Variants in SV2C observed in about 807,000 individuals in gnomAD.
The protein encoded by SV2C is solute carrier family 22 member B3.
In SV2C, 49 loss-of-function variants were observed where a neutral mutation model predicts 79.7. The observed-to-expected ratio is 0.61, with a 90% CI of 0.49 to 0.78. The LOEUF (loss-of-function observed/expected upper bound fraction) is 0.78. Ranked by LOEUF, SV2C falls within the 30% of genes least tolerant of loss-of-function variation. The pLI is 0.00. For missense variants in SV2C, 833 were observed against 912.9 expected (o/e 0.91, Z 1.13); for synonymous variants, 334 against 333.2 (o/e 1.00, Z -0.03).
intron 4 of SV2C, among the ~76,000 whole-genome samples, chr5:76,245,936 A>ATGTGTATGTGTATGTGTGTG (rs375007331): frequency 2.3e-5 from 3 of 129,048 alleles, no homozygotes; most frequent in Admixed American, 1.6e-4. Flanking sequence ...GTGTGTGTGT[A>ATGTGTATGTGTATGTGTGTG]TGTGTGTGTG....
intron 2 of SV2C, among the ~76,000 whole-genome samples, chr5:76,136,125 A>G (rs1195521386): frequency 6.6e-6 from 1 of 152,238 alleles, no homozygotes; most frequent in Non-Finnish European, 1.5e-5. Context: ...TACAAAATAG[A>G]TGCAAAGCAA....
At chr5:76,335,207 G>A (rs1033309787), downstream of SV2C, among the ~76,000 whole-genome samples, 3 of 151,998 alleles carry the variant, frequency 2.0e-5, no homozygotes, top group Admixed American at 1.3e-4. Context: ...CCCTCTGCAG[G>A]CTGTTCCTTC....
At chr5:76,123,364 C>CT in intron 1 of SV2C, among the ~76,000 whole-genome samples, 1 of 152,272 alleles carries the variant, frequency 6.6e-6, no homozygotes, top group African/African-American at 2.4e-5. Context: ...GGAATCCTCC[C>CT]TAACTCATTT....
intron 2 of SV2C, among the ~76,000 whole-genome samples, chr5:76,171,976 G>T (rs1580326454): frequency 7.5e-6 from 1 of 132,734 alleles, no homozygotes; most frequent in African/African-American, 2.8e-5. Context: ...CCCCGTCCGG[G>T]AGGGAGGTGG....
upstream of SV2C, chr5:76,078,770 G>A: frequency 1.7e-6 from 1 of 582,538 alleles, no homozygotes; most frequent in Non-Finnish European, 3.4e-6. Flanking sequence ...AGCAGGGGAT[G>A]GCAGAGTCTG....
the SV2C span, among the ~76,000 whole-genome samples, chr5:75,942,064 G>A: frequency 3.3e-5 from 5 of 152,162 alleles, no homozygotes; most frequent in Admixed American, 1.3e-4. Flanking sequence ...AAAGGCCCAA[G>A]AGGACAAGGT....
chr5:75,949,555 A>G, the SV2C span, among the ~76,000 whole-genome samples: 1 of 151,958 alleles, frequency 6.6e-6, no homozygotes. Flanking sequence ...GTGGTGGGAG[A>G]TAGCTGGATC....
chr5:76,188,727 C>G (rs1256376204), intron 2 of SV2C, among the ~76,000 whole-genome samples: 1 of 151,630 alleles, frequency 6.6e-6, no homozygotes, highest in Non-Finnish European at 1.5e-5. Flanking sequence ...GAATTTGTAA[C>G]CAGTAATGAC....
intron 4 of SV2C, among the ~76,000 whole-genome samples, chr5:76,284,126 A>C (rs555705985): frequency 6.6e-6 from 1 of 152,304 alleles, no homozygotes; most frequent in African/African-American, 2.4e-5. Flanking sequence ...TCTCATTTAG[A>C]ACCAGCCATT....
the SV2C span, chr5:75,910,684 T>G: frequency 8.0e-7 from 1 of 1,254,776 alleles, no homozygotes; most frequent in Non-Finnish European, 1.2e-6. Context: ...AGGCCAAGAC[T>G]GCCAAGGCAG....
At chr5:75,988,082 C>T in the SV2C span, among the ~76,000 whole-genome samples, 3 of 151,998 alleles carry the variant, frequency 2.0e-5, no homozygotes, top group Non-Finnish European at 4.4e-5. Flanking sequence ...TTATTTTCAT[C>T]CTCCCAGACT....
chr5:76,181,272 C>T (rs1228759082), intron 2 of SV2C, among the ~76,000 whole-genome samples: 3 of 152,214 alleles, frequency 2.0e-5, no homozygotes, highest in Non-Finnish European at 4.4e-5. Context: ...ATGGCTGGTT[C>T]CATGCCGCAG....
chr5:75,854,452 T>C, the SV2C span, among the ~76,000 whole-genome samples: 1 of 152,192 alleles, frequency 6.6e-6, no homozygotes, highest in South Asian at 2.1e-4. Context: ...TATTTCATTG[T>C]GTATTTCTTT....
chr5:76,195,232 A>G, intron 3 of SV2C, 133 bp downstream of exon 3: 1 of 872,812 alleles, frequency 1.1e-6, no homozygotes, highest in East Asian at 2.4e-5. Flanking sequence ...CCTGGAAACC[A>G]CAATGCTGGT....
chr5:75,912,627 A>T, the SV2C span, among the ~76,000 whole-genome samples: 1 of 152,216 alleles, frequency 6.6e-6, no homozygotes, highest in Non-Finnish European at 1.5e-5. Context: ...ACATGACCCC[A>T]TTCTTGCTCT....
At chr5:75,870,433 T>C in the SV2C span, among the ~76,000 whole-genome samples, 6 of 151,682 alleles carry the variant, frequency 4.0e-5, no homozygotes, top group African/African-American at 1.2e-4. Context: ...ATTTATGAGA[T>C]TGAAGACAGG....
the SV2C span, among the ~76,000 whole-genome samples, chr5:75,967,824 T>A: frequency 6.6e-6 from 1 of 152,188 alleles, no homozygotes; most frequent in South Asian, 2.1e-4. Context: ...AAGAGAGTAG[T>A]GGTTCTCCCA....
In SV2C at chr5:76,329,259, G is replaced by A. The variant is rs1484213754; in HGVS notation, c.*3712G>A. On this transcript the variant is annotated 3_prime_UTR_variant, in exon 13 of 13. Coordinates refer to ENST00000502798, the MANE Select transcript of SV2C (RefSeq NM_014979.4). ...ATCTCTGTTCACTGCAGGTTTGACAGTTACCATCACCCAGCCAGAAAAGGG... is the reference window on the plus strand; with the variant it reads ...ATCTCTGTTCACTGCAGGTTTGACAATTACCATCACCCAGCCAGAAAAGGG... 6.6e-6 allele frequency: 1 copy of A among 152,226 alleles called. No individual in the cohort carries two copies. The highest frequency in any genetic ancestry group is 6.5e-5 in the Admixed American group (1 of 15,278). The allele number at this position is 152,226 out of a possible 1,614,324, so 9.4% of individuals were successfully genotyped here.
At chr5:76,212,886 G>A (rs942242335) in intron 4 of SV2C, among the ~76,000 whole-genome samples, 4 of 152,130 alleles carry the variant, frequency 2.6e-5, no homozygotes, top group African/African-American at 9.7e-5. Context: ...GAATAAGCAT[G>A]ATCACCACTT....
Sources: allele counts gnomAD v4.1 joint callset (sites outside exome capture counted in the v4.1 genomes callset), GRCh38; gene constraint gnomAD v4.1.1; transcripts MANE v1.5; gene names NCBI Gene and HGNC (gene_info 2026-07-23, HGNC 2026-07-21).